The following ANAPC1 variants were observed in gnomAD, a reference collection of about 807,000 sequenced individuals.
ANAPC1 encodes anaphase-promoting complex subunit 1.
A neutral mutation model predicts 208.0 loss-of-function variants in ANAPC1; 36 were observed. The ratio of observed to expected loss-of-function variants is 0.17; its 90% CI spans 0.13 to 0.23. ANAPC1 has a LOEUF of 0.23. Among genes scored for constraint, ANAPC1 ranks in the 10% least tolerant of loss-of-function variants. ANAPC1 has a pLI of 1.00. For missense variants in ANAPC1, 942 were observed against 2,011.6 expected (o/e 0.47, Z 10.17); for synonymous variants, 378 against 695.2 (o/e 0.54, Z 7.18).
intron 17 of ANAPC1, among the ~76,000 whole-genome samples, chr2:111,840,958 G>A (rs1403238639): frequency 2.0e-5 from 3 of 152,078 alleles, no homozygotes; most frequent in Non-Finnish European, 4.4e-5. Context: ...CACAAGAATC[G>A]CTTCAACTTA....
At chr2:111,834,537 G>T in intron 19 of ANAPC1, 67 bp downstream of exon 19, 1 of 687,028 alleles carries the variant, frequency 1.5e-6, no homozygotes, top group Non-Finnish European at 1.9e-6. Context: ...ATGATACAAG[G>T]TTCCTATATG....
At chr2:111,828,292 G>C (rs1363250144) in intron 21 of ANAPC1, among the ~76,000 whole-genome samples, 1 of 152,116 alleles carries the variant, frequency 6.6e-6, no homozygotes, top group Non-Finnish European at 1.5e-5. Context: ...ATATGTGTTG[G>C]CAAGACCGTA....
chr2:111,874,369 A>C (rs1433357851), intron 3 of ANAPC1, among the ~76,000 whole-genome samples: 2 of 152,122 alleles, frequency 1.3e-5, no homozygotes, highest in Non-Finnish European at 2.9e-5. Flanking sequence ...ACAATACTGC[A>C]CATTTCCAGA....
At position 111,788,234 on chromosome 2, in the gene ANAPC1, C is replaced by T. The variant is rs371127987; in HGVS notation, c.4799G>A (p.Arg1600Gln). Residue 1600 changes from arginine (R) to glutamine (Q), a missense_variant and splice_region_variant, in exon 39 of 48, where the codon CGG (arginine) becomes CAG (glutamine). Transcript: ENST00000341068. The part of the protein sequence containing the change: ...PHFPAHSTDN[R>Q]YHLQALRHLY... ...TTGAAGACAGAATCACTAGACTCAC[C>T]GGTTGTCAGTGCTGTGAGCTGGGAA... 1.3e-5 allele frequency: 21 copies of T among 1,612,204 alleles called. No individual in the cohort carries two copies. Among genetic ancestry groups the T allele is most frequent in the Admixed American group, 8.4e-5 (5 of 59,864 alleles).
intron 33 of ANAPC1, 150 bp downstream of exon 33, chr2:111,802,278 G>C: frequency 1.6e-6 from 1 of 606,456 alleles, no homozygotes; most frequent in Non-Finnish European, 3.0e-6. Context: ...GCCCAGGCTG[G>C]TCTCAAACTC....
chr2:111,866,306 G>A (rs1364791888), intron 7 of ANAPC1: 2 of 376,314 alleles, frequency 5.3e-6, no homozygotes, highest in South Asian at 2.4e-5. Flanking sequence ...TTCCCAAGCT[G>A]TATGTGAAGC....
chr2:111,845,453 G>A (rs545357068), intron 16 of ANAPC1, among the ~76,000 whole-genome samples: 1 of 152,250 alleles, frequency 6.6e-6, no homozygotes, highest in East Asian at 1.9e-4. Flanking sequence ...AACCAAGTAT[G>A]TCATAGTGGA....
At chr2:111,850,593 C>G (rs1681337595) in intron 14 of ANAPC1, among the ~76,000 whole-genome samples, 183 bp downstream of exon 14, 1 of 150,944 alleles carries the variant, frequency 6.6e-6, no homozygotes, top group Non-Finnish European at 1.5e-5. Context: ...CTCTCCAGCA[C>G]CTTCAAAAAG....
chr2:111,823,530 G>A (rs1008034754), intron 24 of ANAPC1, among the ~76,000 whole-genome samples: 2 of 152,000 alleles, frequency 1.3e-5, no homozygotes, highest in African/African-American at 4.8e-5. Context: ...AAAGGGGTGA[G>A]TCCGATTGTC....
At chr2:111,828,444 A>G (rs1376624018) in intron 21 of ANAPC1, among the ~76,000 whole-genome samples, 1 of 152,226 alleles carries the variant, frequency 6.6e-6, no homozygotes, top group Non-Finnish European at 1.5e-5. Context: ...CACCAGGTAT[A>G]TATTAAAAAG....
chr2:111,810,214 T>C (rs572595228), intron 28 of ANAPC1, among the ~76,000 whole-genome samples: 1 of 151,066 alleles, frequency 6.6e-6, no homozygotes, highest in East Asian at 2.0e-4. Context: ...CCATATTTTA[T>C]ATGACTCCGT....
intron 38 of ANAPC1, among the ~76,000 whole-genome samples, chr2:111,788,989 T>G (rs1241306886): frequency 2.0e-5 from 3 of 152,234 alleles, no homozygotes; most frequent in Non-Finnish European, 4.4e-5. Context: ...ATACAAAAAA[T>G]TAGCCGGGCG....
At chr2:111,865,072 T>G in intron 7 of ANAPC1, 121 bp from the exon 8 acceptor site, 1 of 814,712 alleles carries the variant, frequency 1.2e-6, no homozygotes, top group Non-Finnish European at 1.8e-6. Context: ...GAGCACAAAA[T>G]TTATTACTAT....
chr2:111,824,230 A>T, intron 24 of ANAPC1, among the ~76,000 whole-genome samples: 1 of 129,782 alleles, frequency 7.7e-6, no homozygotes, highest in East Asian at 2.3e-4. Flanking sequence ...GTCATTTTTA[A>T]GGTAAAATGC....
chr2:111,827,386 A>C (rs959805916), intron 21 of ANAPC1, among the ~76,000 whole-genome samples: 25 of 152,208 alleles, frequency 1.6e-4, no homozygotes, highest in African/African-American at 5.8e-4. Context: ...ATGTTATCTC[A>C]CTTCCTTCCT....
chr2:111,837,952 G>A (rs1312854995), intron 18 of ANAPC1, among the ~76,000 whole-genome samples: 1 of 151,920 alleles, frequency 6.6e-6, no homozygotes, highest in Non-Finnish European at 1.5e-5. Flanking sequence ...GGGCATGGTG[G>A]CGGGCGCCTG....
chr2:111,832,360 A>C (rs1246750426), intron 20 of ANAPC1, among the ~76,000 whole-genome samples: 1 of 151,896 alleles, frequency 6.6e-6, no homozygotes, highest in Non-Finnish European at 1.5e-5. Flanking sequence ...CTAAACCTAA[A>C]GGTGAAAAAA....
intron 18 of ANAPC1, among the ~76,000 whole-genome samples, chr2:111,838,085 C>CAAAAAAAAAAAAAAAAAAAAAAAAA (rs57089465): frequency 9.7e-6 from 1 of 103,510 alleles, no homozygotes. Flanking sequence ...TACTCCGTCT[C>CAAAAAAAAAAAAAAAAAAAAAAAAA]AAAAAAAAAA....
intron 11 of ANAPC1, 23 bp downstream of exon 11, chr2:111,858,283 C>T: frequency 1.3e-6 from 2 of 1,569,840 alleles, no homozygotes; most frequent in Non-Finnish European, 1.7e-6. Flanking sequence ...TATACAGAAA[C>T]AATGGGAAAG....
Sources: gnomAD v4.1 joint callset for allele counts (sites outside exome capture counted in the v4.1 genomes callset) on GRCh38, gnomAD v4.1.1 for gene constraint, MANE v1.5 for transcripts, NCBI Gene and HGNC (gene_info 2026-07-23, HGNC 2026-07-21) for gene names.